SGCD: variants seen among roughly 807,000 people sequenced by gnomAD.
SGCD encodes delta-sarcoglycan.
Under a neutral mutation model 36.6 loss-of-function variants are expected in SGCD, and 18 were observed. The ratio of observed to expected loss-of-function variants is 0.49; its 90% CI spans 0.34 to 0.73. The LOEUF (loss-of-function observed/expected upper bound fraction) is 0.73, where lower values mean the gene tolerates loss of function less well. SGCD is among the 30% of genes least tolerant of loss of function. SGCD has a pLI of 0.01. For synonymous variants in SGCD, 133 were observed against 130.6 expected, an observed-to-expected ratio of 1.02 and a Z score of -0.12; for missense variants, 387 against 346.7, an observed-to-expected ratio of 1.12 and a Z score of -0.92.
At chr5:156,699,869 A>G (rs73302841) in intron 7 of SGCD, among the ~76,000 whole-genome samples, 4,014 of 152,210 alleles carry the variant, frequency 0.026, 176 homozygotes, top group African/African-American at 0.092. Flanking sequence ...ACCCTTTTCA[A>G]TGTTTACTGT....
intron 3 of SGCD, among the ~76,000 whole-genome samples, chr5:156,316,851 C>G (rs1431219752): frequency 1.3e-5 from 2 of 152,114 alleles, no homozygotes. Context: ...GAGGCAGAGA[C>G]AGTAAATGAT....
At chr5:156,403,856 A>G (rs1287053952) in intron 3 of SGCD, among the ~76,000 whole-genome samples, 1 of 148,648 alleles carries the variant, frequency 6.7e-6, no homozygotes, top group Middle Eastern at 3.2e-3. Flanking sequence ...TTTTTTTGAG[A>G]TGGAGGCTCA....
intron 1 of SGCD, among the ~76,000 whole-genome samples, chr5:155,996,754 G>A (rs1758552783): frequency 1.3e-5 from 2 of 149,004 alleles, no homozygotes; most frequent in African/African-American, 2.5e-5. Context: ...ACTCCAGCCT[G>A]TGTGACAGAG....
the SGCD span, among the ~76,000 whole-genome samples, chr5:155,809,222 C>G: frequency 0.048 from 7,303 of 152,276 alleles, 227 homozygotes; most frequent in Middle Eastern, 0.14. Context: ...AATCCACCGA[C>G]TGGCACTGGA....
chr5:155,783,148 C>T, the SGCD span, among the ~76,000 whole-genome samples: 1 of 152,038 alleles, frequency 6.6e-6, no homozygotes, highest in Admixed American at 6.6e-5. Context: ...GATTAAATGA[C>T]ACAATAAATG....
At chr5:156,276,304 A>G (rs1766317294) in intron 3 of SGCD, among the ~76,000 whole-genome samples, 2 of 152,328 alleles carry the variant, frequency 1.3e-5, no homozygotes, top group African/African-American at 4.8e-5. Flanking sequence ...GCTGAGAGAC[A>G]GGTCAAAATT....
chr5:156,560,897 A>T (rs994628391), intron 4 of SGCD, among the ~76,000 whole-genome samples: 4 of 152,190 alleles, frequency 2.6e-5, no homozygotes, highest in Non-Finnish European at 5.9e-5. Flanking sequence ...TGATTAAGTC[A>T]GTAACTATTG....
At chr5:156,186,164 C>T (rs746100956) in intron 3 of SGCD, among the ~76,000 whole-genome samples, 4 of 151,710 alleles carry the variant, frequency 2.6e-5, no homozygotes, top group Admixed American at 2.0e-4. Flanking sequence ...CCCTCTTATA[C>T]CAGGACCTGA....
the SGCD span, among the ~76,000 whole-genome samples, chr5:155,786,978 G>A: frequency 6.6e-6 from 1 of 152,166 alleles, no homozygotes; most frequent in East Asian, 1.9e-4. Context: ...GAAGACAGGA[G>A]GACCCACCTT....
chr5:155,745,990 G>T, the SGCD span, among the ~76,000 whole-genome samples: 48 of 152,168 alleles, frequency 3.2e-4, no homozygotes, highest in Non-Finnish European at 3.1e-4. Flanking sequence ...ACACACTGCA[G>T]ATATTCTTGC....
At chr5:155,898,008 C>T (rs967945078) in intron 1 of SGCD, among the ~76,000 whole-genome samples, 3 of 152,174 alleles carry the variant, frequency 2.0e-5, no homozygotes, top group Non-Finnish European at 4.4e-5. Flanking sequence ...GATGGATTAA[C>T]GAATGAGTAT....
At chr5:156,224,761 G>A (rs1239524813) in intron 3 of SGCD, among the ~76,000 whole-genome samples, 1 of 152,086 alleles carries the variant, frequency 6.6e-6, no homozygotes, top group Admixed American at 6.6e-5. Context: ...CAAGTCAAAA[G>A]GCCACATGCC....
intron 1 of SGCD, among the ~76,000 whole-genome samples, chr5:155,921,233 A>T (rs1389465977): frequency 6.6e-6 from 1 of 152,178 alleles, no homozygotes; most frequent in Non-Finnish European, 1.5e-5. Context: ...TCTTGGTAAT[A>T]ACCAAGAGAG....
rs189429896 is a variant in SGCD, at chr5:156,339,413, A to T, written c.4-5076A>T. ...TGCCTTTGGAAAAACAAAGTTGTAT[A>T]AGTTTTTACTTCTTCTGATATAGCT... On this transcript the variant is annotated intron_variant, in intron 2 of 8. Transcript: ENST00000337851. Among the ~76,000 whole-genome samples, 243 of 152,354 alleles carry T rather than the reference A, an allele frequency of 1.6e-3. 2 individuals are homozygous for T. Among genetic ancestry groups the T allele is most frequent in the African/African-American group, 5.6e-3 (233 of 41,600 alleles).
intron 1 of SGCD, among the ~76,000 whole-genome samples, chr5:156,012,083 G>A (rs910784372): frequency 2.0e-5 from 3 of 152,124 alleles, no homozygotes; most frequent in Non-Finnish European, 2.9e-5. Context: ...TTATAAAAAC[G>A]GTGTATCTTC....
intron 3 of SGCD, among the ~76,000 whole-genome samples, chr5:156,400,984 G>A (rs189200895): frequency 1.3e-5 from 2 of 152,300 alleles, no homozygotes; most frequent in East Asian, 3.9e-4. Context: ...ATGCTTATAA[G>A]AGTGTTAATC....
intron 4 of SGCD, among the ~76,000 whole-genome samples, chr5:156,547,972 A>G (rs562033974): frequency 6.6e-6 from 1 of 152,322 alleles, no homozygotes; most frequent in African/African-American, 2.4e-5. Flanking sequence ...CAGGGTCATC[A>G]TGGACTCAGA....
At chr5:156,245,675 AG>A (rs1465647566) in intron 3 of SGCD, among the ~76,000 whole-genome samples, 2 of 152,152 alleles carry the variant, frequency 1.3e-5, no homozygotes, top group African/African-American at 4.8e-5. Flanking sequence ...CGGGAAATAC[AG>A]GGGATAAATG....
chr5:156,428,523 G>A (rs1420225907), intron 3 of SGCD, among the ~76,000 whole-genome samples: 1 of 151,428 alleles, frequency 6.6e-6, no homozygotes, highest in Non-Finnish European at 1.5e-5. Context: ...TAATTTTTTT[G>A]TTTCATTTTT....
Sources: gnomAD v4.1 joint callset for allele counts (sites outside exome capture counted in the v4.1 genomes callset) on GRCh38, gnomAD v4.1.1 for gene constraint, MANE v1.5 for transcripts, NCBI Gene and HGNC (gene_info 2026-07-23, HGNC 2026-07-21) for gene names.